RGS7: variants seen among roughly 807,000 people sequenced by gnomAD.
RGS7 encodes the protein regulator of G-protein signaling 7.
A neutral mutation model predicts 81.1 loss-of-function variants in RGS7; 27 were observed. That is an observed-to-expected ratio of 0.33 (90% confidence interval 0.25 to 0.46). The LOEUF is 0.46. Among genes scored for constraint, RGS7 ranks in the 20% least tolerant of loss-of-function variants. The pLI, the probability that RGS7 is intolerant of heterozygous loss-of-function variation, is 1.00. For synonymous variants in RGS7, 208 were observed against 207.7 expected, an observed-to-expected ratio of 1.00 and a Z score of -0.01; for missense variants, 396 against 607.4, an observed-to-expected ratio of 0.65 and a Z score of 3.66.
chr1:240,984,008 G>C (rs1685298643), intron 3 of RGS7, among the ~76,000 whole-genome samples: 1 of 152,194 alleles, frequency 6.6e-6, no homozygotes, highest in African/African-American at 2.4e-5. Flanking sequence ...GAGAAATTTA[G>C]TTGCTGAAGG....
chr1:240,966,674 C>T (rs1682355086), intron 4 of RGS7, among the ~76,000 whole-genome samples: 1 of 152,124 alleles, frequency 6.6e-6, no homozygotes, highest in South Asian at 2.1e-4. Context: ...CTTGCTTTTA[C>T]TTAGAGAAAA....
intron 2 of RGS7, among the ~76,000 whole-genome samples, chr1:241,269,879 T>C (rs988173256): frequency 3.7e-4 from 57 of 152,344 alleles, no homozygotes; most frequent in African/African-American, 1.3e-3. Context: ...TGTAGCCATT[T>C]AGGACTGTGC....
chr1:241,341,927 T>C (rs1573759824), intron 2 of RGS7, among the ~76,000 whole-genome samples: 1 of 140,218 alleles, frequency 7.1e-6, no homozygotes, highest in East Asian at 2.1e-4. Context: ...CAGGCTGGAG[T>C]GCAGTGGTGC....
Position 241,342,663 on chromosome 1 carries a change from T to G in RGS7, c.78+13036A>C, listed in dbSNP as rs74565307. 1.2e-4 allele frequency among the ~76,000 whole-genome samples: 18 copies of G among 152,360 alleles called. No individual in the cohort carries two copies. In the East Asian group the frequency reaches 2.7e-3, roughly 23 times the overall value. On this transcript the variant is annotated intron_variant, in intron 2 of 18. Transcript: ENST00000440928. ...TTAGACAGAAATCTTAGTGGTTGTA[T>G]AGTCCATAGGCCAAAGCCCTTCCTA...
At chr1:241,065,761 G>T (rs1192977089) in intron 3 of RGS7, among the ~76,000 whole-genome samples, 1 of 152,228 alleles carries the variant, frequency 6.6e-6, no homozygotes, top group Admixed American at 6.5e-5. Context: ...TCAAGAGGAA[G>T]AGCTAAGTCT....
intron 2 of RGS7, among the ~76,000 whole-genome samples, chr1:241,322,897 G>C (rs1372384855): frequency 1.3e-5 from 2 of 152,018 alleles, no homozygotes; most frequent in Non-Finnish European, 2.9e-5. Context: ...AATAAAAATA[G>C]GATCATGAAT....
intron 10 of RGS7, chr1:240,822,967 TCATCAGGGGCTATTCATCA>T: frequency 2.0e-6 from 1 of 507,280 alleles, no homozygotes. Context: ...ACATTTTTTT[TCATCAGGGGCTATTCATCA>T]TTTTGTTTTT....
chr1:241,206,773 C>T (rs2073912795), intron 2 of RGS7, among the ~76,000 whole-genome samples: 1 of 152,080 alleles, frequency 6.6e-6, no homozygotes, highest in African/African-American at 2.4e-5. Context: ...CTCACCTCTC[C>T]ATGTTAACCC....
At chr1:241,268,504 G>A (rs2077709411) in intron 2 of RGS7, among the ~76,000 whole-genome samples, 1 of 152,200 alleles carries the variant, frequency 6.6e-6, no homozygotes, top group African/African-American at 2.4e-5. Flanking sequence ...GCCCTGCAGG[G>A]TGCTTGGGCT....
chr1:240,930,133 G>GAAGAGCTT (rs1443290296), intron 6 of RGS7, among the ~76,000 whole-genome samples: 4 of 151,716 alleles, frequency 2.6e-5, no homozygotes, highest in Non-Finnish European at 5.9e-5. Flanking sequence ...TTTTCTCCTT[G>GAAGAGCTT]AAGAGCTTGA....
chr1:240,973,733 G>A (rs6429233), intron 4 of RGS7, among the ~76,000 whole-genome samples: 68,097 of 151,332 alleles, frequency 0.45, 15,484 homozygotes, highest in South Asian at 0.5. Context: ...GGGACTACAG[G>A]GGCCCACCAC....
intron 2 of RGS7, among the ~76,000 whole-genome samples, chr1:241,330,435 T>C (rs2081908364): frequency 1.3e-5 from 2 of 152,248 alleles, no homozygotes; most frequent in South Asian, 4.1e-4. Flanking sequence ...ATAAAGCCAG[T>C]GTGTGGGTTT....
intron 2 of RGS7, among the ~76,000 whole-genome samples, chr1:241,289,428 A>C (rs1486514824): frequency 1.3e-5 from 2 of 152,196 alleles, no homozygotes; most frequent in African/African-American, 4.8e-5. Flanking sequence ...CTCCCTGAAT[A>C]GCATGTCCAT....
At chr1:240,923,312 A>G (rs978743566) in intron 6 of RGS7, among the ~76,000 whole-genome samples, 1 of 152,082 alleles carries the variant, frequency 6.6e-6, no homozygotes, top group Admixed American at 6.6e-5. Flanking sequence ...CCCTAATATA[A>G]ACTATGGACT....
chr1:241,158,980 A>G (rs185239508), intron 2 of RGS7, among the ~76,000 whole-genome samples: 3 of 152,284 alleles, frequency 2.0e-5, no homozygotes, highest in Non-Finnish European at 2.9e-5. Flanking sequence ...TATTTCTGCA[A>G]TATGTCTCAA....
At chr1:240,851,001 AT>A (rs1354684400) in intron 9 of RGS7, among the ~76,000 whole-genome samples, 2 of 152,210 alleles carry the variant, frequency 1.3e-5, no homozygotes, top group Non-Finnish European at 2.9e-5. Flanking sequence ...AAAGTGCAAG[AT>A]GGAAGCAGCA....
intron 9 of RGS7, among the ~76,000 whole-genome samples, chr1:240,839,117 C>A (rs549727719): frequency 7.2e-5 from 11 of 152,252 alleles, no homozygotes; most frequent in Admixed American, 2.6e-4. Flanking sequence ...GATCCCAACT[C>A]CTAATGCCTT....
chr1:241,293,595 T>TA (rs1227412715), intron 2 of RGS7, among the ~76,000 whole-genome samples: 3 of 151,356 alleles, frequency 2.0e-5, no homozygotes, highest in Non-Finnish European at 2.9e-5. Context: ...GTTTTTAAAG[T>TA]AAAAAAAATT....
intron 3 of RGS7, among the ~76,000 whole-genome samples, chr1:241,026,432 T>C (rs1029602422): frequency 1.3e-5 from 2 of 151,928 alleles, no homozygotes; most frequent in Admixed American, 1.3e-4. Flanking sequence ...CTACTAAAAA[T>C]ACAAAAATTA....
Sources: gnomAD v4.1 joint callset for allele counts (sites outside exome capture counted in the v4.1 genomes callset) on GRCh38, gnomAD v4.1.1 for gene constraint, MANE v1.5 for transcripts, NCBI Gene and HGNC (gene_info 2026-07-23, HGNC 2026-07-21) for gene names.